SP140: variants seen among roughly 807,000 people sequenced by gnomAD.
SP140 encodes the protein nuclear body protein SP140.
A neutral mutation model predicts 125.0 loss-of-function variants in SP140; 81 were observed. The ratio of observed to expected loss-of-function variants is 0.65; its 90% CI spans 0.54 to 0.78. The LOEUF (loss-of-function observed/expected upper bound fraction) is 0.78, where lower values mean the gene tolerates loss of function less well. SP140 is among the 30% of genes least tolerant of loss of function. The pLI is 0.00. For missense variants in SP140, 858 were observed against 1,037.0 expected, an observed-to-expected ratio of 0.83 and a Z score of 2.37; for synonymous variants, 312 against 354.0, an observed-to-expected ratio of 0.88 and a Z score of 1.33.
intron 23 of SP140, 60 bp downstream of exon 23, chr2:230,310,099 G>A (rs1002209038): frequency 2.3e-5 from 35 of 1,511,020 alleles, no homozygotes; most frequent in Middle Eastern, 3.4e-4. Flanking sequence ...CCTGCCATGC[G>A]CACTCTCCAG....
chr2:230,299,265 T>G (rs2058061179), intron 22 of SP140, among the ~76,000 whole-genome samples: 1 of 152,156 alleles, frequency 6.6e-6, no homozygotes, highest in African/African-American at 2.4e-5. Flanking sequence ...CCGTGAGTCC[T>G]CAAAGTGTGA....
intron 15 of SP140, among the ~76,000 whole-genome samples, chr2:230,271,019 G>T (rs2053844148): frequency 6.6e-6 from 1 of 152,178 alleles, no homozygotes; most frequent in East Asian, 1.9e-4. Flanking sequence ...TGGAAGAAGG[G>T]ACCAAGGAAT....
the SP140 span, among the ~76,000 whole-genome samples, chr2:230,197,463 G>A: frequency 6.0e-5 from 9 of 150,230 alleles, no homozygotes; most frequent in African/African-American, 2.2e-4. Flanking sequence ...AGATGAGTAG[G>A]TTGCGAAAAT....
chr2:230,239,565 G>C (rs2048428919), intron 3 of SP140, among the ~76,000 whole-genome samples: 1 of 152,150 alleles, frequency 6.6e-6, no homozygotes, highest in Admixed American at 6.5e-5. Flanking sequence ...TCCTGCCTCA[G>C]CCTCCTGAGT....
chr2:230,228,439 T>TA (rs1296500088), intron 1 of SP140, among the ~76,000 whole-genome samples: 1 of 152,220 alleles, frequency 6.6e-6, no homozygotes, highest in Non-Finnish European at 1.5e-5. Flanking sequence ...ACTACACCCT[T>TA]ACTGATTTTT....
chr2:230,308,935 G>C (rs1401641765), intron 22 of SP140, among the ~76,000 whole-genome samples: 1 of 152,158 alleles, frequency 6.6e-6, no homozygotes, highest in East Asian at 1.9e-4. Flanking sequence ...CTGGTTCTTT[G>C]TTGTAAATAC....
chr2:230,227,037 C>T (rs146269987), intron 1 of SP140, among the ~76,000 whole-genome samples: 52 of 152,162 alleles, frequency 3.4e-4, no homozygotes, highest in African/African-American at 1.1e-3. Context: ...CCTTTTATAT[C>T]AGGGACTTGA....
At chr2:230,296,816 G>A (rs1323532071) in intron 21 of SP140, among the ~76,000 whole-genome samples, 1 of 152,152 alleles carries the variant, frequency 6.6e-6, no homozygotes, top group Non-Finnish European at 1.5e-5. Flanking sequence ...GAAGTAAGAG[G>A]ACAAGTAGAG....
At chr2:230,272,316 T>C (rs1031320121) in intron 15 of SP140, among the ~76,000 whole-genome samples, 2 of 152,144 alleles carry the variant, frequency 1.3e-5, no homozygotes, top group African/African-American at 4.8e-5. Flanking sequence ...TTTCAAGCCA[T>C]ACTACAGGGC....
intron 6 of SP140, among the ~76,000 whole-genome samples, chr2:230,245,586 AG>A (rs2049317995): frequency 6.6e-6 from 1 of 152,176 alleles, no homozygotes; most frequent in Admixed American, 6.6e-5. Flanking sequence ...AGTCAGGGAG[AG>A]GAAGTCAAGT....
chr2:230,245,010 G>A lies in SP140; in HGVS notation c.594G>A (p.Glu198=), dbSNP rs1225498231. Reference sequence around the variant, plus strand: ...CAGGTTTCTCTTCAGAGTCTTGTGAGCAGTTAGCTCTCCCAAAGGCTGGTG... The same window carrying A: ...CAGGTTTCTCTTCAGAGTCTTGTGAACAGTTAGCTCTCCCAAAGGCTGGTG... ...CEPGFSSESC[E]QLALPKAGGG... is the part of the protein sequence containing the mutation. The change falls in exon 6 of 27, where the codon GAG becomes GAA. Residue 198 remains glutamate (E), a synonymous_variant. Transcript: ENST00000392045. The A allele has an allele frequency of 6.2e-7, 1 of 1,612,980 alleles. No homozygotes were observed. Among genetic ancestry groups the A allele is most frequent in the African/African-American group, 1.3e-5 (1 of 74,986 alleles).
At chr2:230,258,854 A>G (rs1253334115) in intron 12 of SP140, among the ~76,000 whole-genome samples, 1 of 152,162 alleles carries the variant, frequency 6.6e-6, no homozygotes, top group Non-Finnish European at 1.5e-5. Flanking sequence ...CTTCAGCCTC[A>G]AAGAATGTGT....
intron 1 of SP140, chr2:230,213,144 C>A: frequency 1.0e-6 from 1 of 995,696 alleles, no homozygotes. Context: ...TTCATTGTCC[C>A]CCAGGTGCAG....
Position 230,248,899 on chromosome 2 carries a change from A to C in SP140, c.907A>C (p.Lys303Gln). Residue 303 changes from lysine (K) to glutamine (Q), a missense_variant, in exon 9 of 27, where the codon AAA (lysine) becomes CAA (glutamine). Physicochemically the swap from Lys to Gln is moderately conservative, Grantham distance 53. Transcript: ENST00000392045. ...EGRDKETFDL[K>Q]TPQVTNEGEP... is the part of the protein sequence containing the mutation. ...TTTATCTGCAGAGACCTTTGATCTA[A>C]AAACTCCCCAAGTCACTAATGAAGG... The C allele has an allele frequency of 6.2e-7, 1 of 1,612,596 alleles. No individual in the cohort carries two copies. Among genetic ancestry groups the C allele is most frequent in the Middle Eastern group, 1.7e-4 (1 of 6,056 alleles).
At chr2:230,275,609 AT>A (rs1162631770) in intron 15 of SP140, among the ~76,000 whole-genome samples, 1 of 152,182 alleles carries the variant, frequency 6.6e-6, no homozygotes, top group Non-Finnish European at 1.5e-5. Flanking sequence ...AGACAAAAAA[AT>A]ATGGAAATTA....
chr2:230,232,229 G>T (rs889260881), intron 1 of SP140, among the ~76,000 whole-genome samples: 1 of 152,170 alleles, frequency 6.6e-6, no homozygotes, highest in Admixed American at 6.5e-5. Flanking sequence ...AAGGTTGGGG[G>T]CCTGCCCTGA....
intron 22 of SP140, among the ~76,000 whole-genome samples, chr2:230,304,736 C>A (rs1034509228): frequency 6.6e-6 from 1 of 152,194 alleles, no homozygotes; most frequent in African/African-American, 2.4e-5. Flanking sequence ...ATCCTCATCT[C>A]TCACCTTATA....
intron 6 of SP140, 42 bp from the exon 7 acceptor site, chr2:230,245,821 G>A: frequency 7.6e-7 from 1 of 1,310,660 alleles, no homozygotes; most frequent in South Asian, 1.2e-5. Context: ...AGGTGTCCAG[G>A]TCACTGCCAA....
At chr2:230,220,481 T>C (rs1175985662) in intron 3 of SP140, among the ~76,000 whole-genome samples, 1 of 151,882 alleles carries the variant, frequency 6.6e-6, no homozygotes, top group African/African-American at 2.4e-5. Flanking sequence ...CAGGAAGAAA[T>C]TGAAATGAAA....
Sources: gnomAD v4.1 joint callset for allele counts (sites outside exome capture counted in the v4.1 genomes callset) on GRCh38, gnomAD v4.1.1 for gene constraint, MANE v1.5 for transcripts, NCBI Gene and HGNC (gene_info 2026-07-23, HGNC 2026-07-21) for gene names.